ZNF287: variants seen among roughly 807,000 people sequenced by gnomAD.
ZNF287 encodes the protein zinc finger protein with KRAB and SCAN domains 13.
ZNF287 carries 31 observed loss-of-function variants against 73.7 expected under a neutral mutation model. The ratio of observed to expected loss-of-function variants is 0.42; its 90% CI spans 0.32 to 0.57. The LOEUF is 0.57. ZNF287 is among the 20% of genes least tolerant of loss of function. The pLI, the probability that ZNF287 is intolerant of heterozygous loss-of-function variation, is 0.13. For synonymous variants in ZNF287, 301 were observed against 307.2 expected, an observed-to-expected ratio of 0.98 and a Z score of 0.21; for missense variants, 641 against 909.3, an observed-to-expected ratio of 0.70 and a Z score of 3.79.
At chr17:16,559,107 C>T (rs1907257149) in intron 5 of ZNF287, 1 of 151,804 alleles carries the variant, frequency 6.6e-6, no homozygotes, top group African/African-American at 2.4e-5. Flanking sequence ...TTTATTTTTG[C>T]AAAGAGAAAC....
chr17:16,568,498 C>G (rs1369813168), intron 1 of ZNF287, among the ~76,000 whole-genome samples: 2 of 152,298 alleles, frequency 1.3e-5, no homozygotes, highest in East Asian at 3.9e-4. Flanking sequence ...ACTTCAAGTC[C>G]TTTAAGTGCT....
chr17:16,553,702 A>G (rs1002454431), intron 5 of ZNF287, among the ~76,000 whole-genome samples: 5 of 152,212 alleles, frequency 3.3e-5, no homozygotes, highest in Admixed American at 6.5e-5. Flanking sequence ...CAAAACAGTG[A>G]TAACACTGTG....
At chr17:16,557,632 C>T (rs1443046116) in intron 5 of ZNF287, among the ~76,000 whole-genome samples, 2 of 151,912 alleles carry the variant, frequency 1.3e-5, no homozygotes, top group Non-Finnish European at 2.9e-5. Flanking sequence ...AGCAGGAAGG[C>T]AAGAAGTCAG....
chr17:16,560,329 T>C (rs1907350478), intron 5 of ZNF287, among the ~76,000 whole-genome samples: 1 of 144,498 alleles, frequency 6.9e-6, no homozygotes, highest in Admixed American at 7.0e-5. Flanking sequence ...TATATATATA[T>C]ATATGGGGTG....
chr17:16,553,278 G>A lies in ZNF287; in HGVS notation c.864C>T (p.His288=), dbSNP rs958227307. Residue 288 remains histidine, a synonymous_variant, in exon 6 of 6, where the codon CAC becomes CAT. Transcript: ENST00000395825. ...RRGKGGFWKI[H]TDERGFSLKS... ...TCAAACTGAAACCTCTTTCATCAGT[G>A]TGAATTTTCCAGAAGCCACCTTTTC... 2.1e-5 allele frequency: 34 copies of A among 1,613,740 alleles called. No homozygotes were observed. The highest frequency in any genetic ancestry group is 2.8e-5 in the Non-Finnish European group (33 of 1,179,878).
chr17:16,556,861 T>C (rs928212133), intron 5 of ZNF287, among the ~76,000 whole-genome samples: 12 of 152,150 alleles, frequency 7.9e-5, no homozygotes, highest in African/African-American at 2.7e-4. Context: ...CTTTTTTTTT[T>C]TTTGAGATGG....
At chr17:16,559,075 AAAG>A (rs1597468550) in intron 5 of ZNF287, 1 of 152,148 alleles carries the variant, frequency 6.6e-6, no homozygotes, top group Non-Finnish European at 1.5e-5. Flanking sequence ...TTCATATACA[AAAG>A]AAGATAATAT....
chr17:16,551,402 G>C lies in ZNF287; in HGVS notation c.*454C>G, dbSNP rs1367736166. 6.2e-6 allele frequency: 1 copy of C among 160,744 alleles called. No homozygotes were observed. 10.0% of individuals were successfully genotyped at this position (160,744 alleles called of 1,614,324 possible). A position where few individuals can be genotyped will look rare whatever the true frequency, so the allele number is the denominator to read the frequency against. ...TATACTGGAATTTTTTTTTTCAACT[G>C]AACAGAGTTTGAAAGCACATTATTC... On this transcript the variant is annotated 3_prime_UTR_variant, in exon 6 of 6. Coordinates refer to ENST00000395825, the MANE Select transcript of ZNF287 (RefSeq NM_020653.4).
chr17:16,559,391 T>G (rs961830973), intron 5 of ZNF287: 5 of 152,232 alleles, frequency 3.3e-5, no homozygotes, highest in African/African-American at 1.2e-4. Flanking sequence ...TGTGAAACTA[T>G]TTTTGTGTGT....
At position 16,549,860 on chromosome 17, in the gene ZNF287, A is replaced by T. The variant is rs1038373848; in HGVS notation, c.*1996T>A. ...TTTAAGCAGTTCCCAAGTAAATGTT[A>T]TTTGTTGAACATTTCTTTGATATAT... On this transcript the variant is annotated 3_prime_UTR_variant, in exon 6 of 6. Coordinates refer to ENST00000395825, the MANE Select transcript of ZNF287 (RefSeq NM_020653.4). Among the ~76,000 whole-genome samples, 9 of 152,178 alleles carry T rather than the reference A, an allele frequency of 5.9e-5. No homozygotes were observed. The highest frequency in any genetic ancestry group is 5.9e-4 in the Admixed American group (9 of 15,280).
intron 5 of ZNF287, among the ~76,000 whole-genome samples, chr17:16,554,283 TG>T (rs1456577001): frequency 6.6e-6 from 1 of 151,800 alleles, no homozygotes; most frequent in Non-Finnish European, 1.5e-5. Context: ...AAGTGATTCT[TG>T]TGCCTCAGAC....
rs1160567349 is a variant in ZNF287, at chr17:16,550,316, T to C, written c.*1540A>G. On this transcript the variant is annotated 3_prime_UTR_variant, in exon 6 of 6. Coordinates refer to ENST00000395825, the MANE Select transcript of ZNF287 (RefSeq NM_020653.4). ...CTTTAAAAATCGGTCATTTTGTTTT[T>C]AGTTTCTTCTAATAACCAGGCTGAA... Among the ~76,000 whole-genome samples, 1 of 152,198 alleles carries C rather than the reference T, an allele frequency of 6.6e-6. No homozygotes were observed. Among genetic ancestry groups the C allele is most frequent in the African/African-American group, 2.4e-5 (1 of 41,440 alleles).
chr17:16,555,944 T>C (rs1907030673), intron 5 of ZNF287, among the ~76,000 whole-genome samples: 1 of 152,150 alleles, frequency 6.6e-6, no homozygotes, highest in Non-Finnish European at 1.5e-5. Context: ...ATCCATTCAA[T>C]TGAGTAATAT....
In ZNF287 at chr17:16,555,196, TC is replaced by T. The variant is rs147623596; in HGVS notation, c.716-1771del. On this transcript the variant is annotated intron_variant, in intron 5 of 5. Transcript: ENST00000395825. ...TGATATATATGTATATATATTTTTT[TC>T]CTTTTTTAAATATGGAAAGCTAAAT... Among the ~76,000 whole-genome samples, 471 of 152,254 alleles carry T rather than the reference TC, an allele frequency of 3.1e-3. 3 individuals are homozygous for T. The highest frequency in any genetic ancestry group is 0.011 in the African/African-American group (449 of 41,552).
At chr17:16,563,048 G>C (rs1016229223) in intron 5 of ZNF287, 98 bp downstream of exon 5, 1 of 951,898 alleles carries the variant, frequency 1.1e-6, no homozygotes, top group Non-Finnish European at 1.6e-6. Flanking sequence ...GAATGCCTTT[G>C]CAAAAAGTGA....
rs1343640902 is a variant in ZNF287 at position 16,567,758 on chromosome 17, C to A, written c.-27G>T. 1 of 1,578,462 alleles carries A rather than the reference C, an allele frequency of 6.3e-7. No individual in the cohort carries two copies. ...GCTACAGACAGGAGAGTCAATCTGGCAATATCCTTTATTTCTCCAGTAGTG... is the reference window on the plus strand; with the variant it reads ...GCTACAGACAGGAGAGTCAATCTGGAAATATCCTTTATTTCTCCAGTAGTG... On this transcript the variant is annotated 5_prime_UTR_variant, in exon 2 of 6. Coordinates refer to ENST00000395825, the MANE Select transcript of ZNF287 (RefSeq NM_020653.4).
intron 5 of ZNF287, among the ~76,000 whole-genome samples, chr17:16,557,530 TC>T (rs1343569322): frequency 6.6e-6 from 1 of 152,128 alleles, no homozygotes; most frequent in Non-Finnish European, 1.5e-5. Context: ...CTAACCTACT[TC>T]CTGAAGTACC....
Position 16,547,811 on chromosome 17 carries a change from G to A in ZNF287, c.*4045C>T, listed in dbSNP as rs929193950. On this transcript the variant is annotated 3_prime_UTR_variant, in exon 6 of 6. Transcript: ENST00000395825. ...CAATCAAGTGTCCAAAGACTAGAGA[G>A]TGAATGTCAAAAGGACATAAGAGAT... 3.3e-5 allele frequency among the ~76,000 whole-genome samples: 5 copies of A among 152,314 alleles called. No homozygotes were observed. Among genetic ancestry groups the A allele is most frequent in the African/African-American group, 1.2e-4 (5 of 41,560 alleles).
chr17:16,561,910 T>G (rs1310275822), intron 5 of ZNF287, among the ~76,000 whole-genome samples: 1 of 152,218 alleles, frequency 6.6e-6, no homozygotes, highest in Non-Finnish European at 1.5e-5. Context: ...GACACTATTA[T>G]ATAAATGTTA....
Sources: gnomAD v4.1 joint callset for allele counts (sites outside exome capture counted in the v4.1 genomes callset) on GRCh38, gnomAD v4.1.1 for gene constraint, MANE v1.5 for transcripts, NCBI Gene and HGNC (gene_info 2026-07-23, HGNC 2026-07-21) for gene names.